Variants in MAN2B2 observed in about 807,000 individuals in gnomAD.
The protein encoded by MAN2B2 is mannosidase alpha class 2B member 2.
Under a neutral mutation model 117.1 loss-of-function variants are expected in MAN2B2, and 106 were observed. The observed-to-expected ratio is 0.90, with a 90% CI of 0.77 to 1.06. The LOEUF (loss-of-function observed/expected upper bound fraction) is 1.06, where lower values mean the gene tolerates loss of function less well. Ranked by LOEUF, MAN2B2 falls within the 50% of genes least tolerant of loss-of-function variation. The pLI is 0.00. For missense variants in MAN2B2, 1,326 were observed against 1,381.4 expected (o/e 0.96, Z 0.64); for synonymous variants, 544 against 595.1 (o/e 0.91, Z 1.25).
chr4:6,619,982 G>A lies in MAN2B2; in HGVS notation c.2870G>A (p.Gly957Glu), dbSNP rs748015958. 9.9e-6 allele frequency: 16 copies of A among 1,613,854 alleles called. No homozygotes were observed. Among genetic ancestry groups the A allele is most frequent in the Non-Finnish European group, 1.3e-5 (15 of 1,179,976 alleles). Reference protein sequence around the residue: ...VVAVEERSLTGTWDLSMLHRW... With the variant: ...VVAVEERSLTETWDLSMLHRW... The stretch of plus-strand genomic sequence containing the variant: ...GCAGTGGAGGAGCGCTCGCTCACAG[G>A]GACCTGGGATTTGAGCATGCTGCAC... The change falls in exon 18 of 19, where the codon GGG becomes GAG. Residue 957 changes from glycine (G) to glutamate (E), a missense_variant. Transcript: ENST00000285599.
Position 6,621,798 on chromosome 4 carries a change from T to C in MAN2B2, c.*513T>C, listed in dbSNP as rs1378088708. ...GGAAGTTGTAGCGCCTAGCGAGAGT[T>C]CCAGCCCCAGACGCCCACCTGTGCC... On this transcript the variant is annotated 3_prime_UTR_variant, in exon 19 of 19. Transcript: ENST00000285599. 6.6e-6 allele frequency: 1 copy of C among 152,134 alleles called. No homozygotes were observed. The highest frequency in any genetic ancestry group is 2.4e-5 in the African/African-American group (1 of 41,402). 9.4% of individuals were successfully genotyped at this position (152,134 alleles called of 1,614,324 possible). A position where few individuals can be genotyped will look rare whatever the true frequency, so the allele number is the denominator to read the frequency against.
At chr4:6,614,134 G>A in intron 15 of MAN2B2, 84 bp from the exon 16 acceptor site, 1 of 1,523,804 alleles carries the variant, frequency 6.6e-7, no homozygotes, top group African/African-American at 1.4e-5. Context: ...CAGGGGCAGG[G>A]GCATGTAATG....
At chr4:6,609,034 G>A (rs113788530) in intron 11 of MAN2B2, 73 bp from the exon 12 acceptor site, 214 of 1,431,434 alleles carry the variant, frequency 1.5e-4, no homozygotes, top group African/African-American at 1.1e-3. Flanking sequence ...TCTGGAGAGA[G>A]AGGCTTGCCA....
intron 3 of MAN2B2, among the ~76,000 whole-genome samples, chr4:6,581,115 G>A (rs1008158931): frequency 5.9e-5 from 9 of 152,090 alleles, no homozygotes; most frequent in Non-Finnish European, 1.5e-5. Flanking sequence ...TCTGGTAGAT[G>A]GGTAATCTTA....
chr4:6,618,915 C>T (rs1050033646), intron 17 of MAN2B2: 1 of 152,304 alleles, frequency 6.6e-6, no homozygotes, highest in Admixed American at 6.5e-5. Context: ...TGCCTGAGAG[C>T]AGGTCTAGGC....
At chr4:6,617,741 C>T (rs1403824644) in intron 17 of MAN2B2, 15 of 525,268 alleles carry the variant, frequency 2.9e-5, no homozygotes, top group Non-Finnish European at 4.4e-5. Flanking sequence ...GGTGCAGTGG[C>T]ACAATCTCAG....
chr4:6,590,119 C>T (rs1414994879), intron 5 of MAN2B2, among the ~76,000 whole-genome samples: 1 of 151,772 alleles, frequency 6.6e-6, no homozygotes, highest in Non-Finnish European at 1.5e-5. Context: ...TGCCTGTAAT[C>T]CCAGCGCTTT....
At chr4:6,590,134 A>C (rs1726800975) in intron 5 of MAN2B2, among the ~76,000 whole-genome samples, 1 of 152,006 alleles carries the variant, frequency 6.6e-6, no homozygotes, top group African/African-American at 2.4e-5. Context: ...CGCTTTGGGA[A>C]GCCAAGGCAG....
At chr4:6,621,028 T>G (rs1206950607) in intron 18 of MAN2B2, 160 bp from the exon 19 acceptor site, 2 of 586,040 alleles carry the variant, frequency 3.4e-6, no homozygotes, top group Admixed American at 3.0e-5. Context: ...TGCAGTGTGG[T>G]GAGAAGGAGG....
chr4:6,610,165 C>T, intron 13 of MAN2B2, 115 bp downstream of exon 13: 1 of 1,444,742 alleles, frequency 6.9e-7, no homozygotes, highest in Non-Finnish European at 9.3e-7. Flanking sequence ...ATGTTTTTTT[C>T]CTTTTTTTTA....
chr4:6,582,943 G>A (rs1726492735), intron 3 of MAN2B2, among the ~76,000 whole-genome samples: 1 of 152,188 alleles, frequency 6.6e-6, no homozygotes, highest in Admixed American at 6.5e-5. Flanking sequence ...CAGAGACCAA[G>A]TGACTCCAAC....
chr4:6,602,897 A>C (rs1380151663), intron 10 of MAN2B2, among the ~76,000 whole-genome samples: 1 of 151,920 alleles, frequency 6.6e-6, no homozygotes, highest in Non-Finnish European at 1.5e-5. Context: ...GCTGGTCTCA[A>C]ACTCCTGGCC....
chr4:6,582,357 T>A (rs1726461722), intron 3 of MAN2B2, among the ~76,000 whole-genome samples: 1 of 152,090 alleles, frequency 6.6e-6, no homozygotes, highest in African/African-American at 2.4e-5. Flanking sequence ...TTGTTGTTGT[T>A]AGACAGAGCC....
intron 7 of MAN2B2, 57 bp downstream of exon 7, chr4:6,594,789 G>A: frequency 6.7e-7 from 1 of 1,500,032 alleles, no homozygotes; most frequent in African/African-American, 1.4e-5. Context: ...TATAGTCCAC[G>A]TACCCTCTGC....
At chr4:6,604,639 G>A (rs1727464772) in intron 10 of MAN2B2, among the ~76,000 whole-genome samples, 1 of 152,092 alleles carries the variant, frequency 6.6e-6, no homozygotes, top group African/African-American at 2.4e-5. Context: ...GGGGTAGCTG[G>A]TGAGGTCAGC....
intron 3 of MAN2B2, among the ~76,000 whole-genome samples, chr4:6,583,453 T>G (rs1726518162): frequency 6.6e-6 from 1 of 152,204 alleles, no homozygotes; most frequent in Non-Finnish European, 1.5e-5. Context: ...GGACAGAATG[T>G]ATATCGGACG....
intron 13 of MAN2B2, among the ~76,000 whole-genome samples, chr4:6,610,494 G>A (rs189374017): frequency 1.5e-4 from 23 of 152,348 alleles, no homozygotes; most frequent in East Asian, 5.8e-4. Flanking sequence ...GTATCTGCCC[G>A]TTCAGGGCTT....
chr4:6,596,445 A>G (rs1727090475), intron 7 of MAN2B2, among the ~76,000 whole-genome samples: 1 of 152,108 alleles, frequency 6.6e-6, no homozygotes, highest in South Asian at 2.1e-4. Flanking sequence ...GACGCCGAGG[A>G]GCAGGAAAGC....
chr4:6,594,398 T>C, intron 6 of MAN2B2, 136 bp from the exon 7 acceptor site: 1 of 732,794 alleles, frequency 1.4e-6, no homozygotes, highest in Non-Finnish European at 2.3e-6. Context: ...GCCACTGCTA[T>C]GGGAGCTGGT....
Sources: allele counts gnomAD v4.1 joint callset (sites outside exome capture counted in the v4.1 genomes callset), GRCh38; gene constraint gnomAD v4.1.1; transcripts MANE v1.5; gene names NCBI Gene and HGNC (gene_info 2026-07-23, HGNC 2026-07-21).